IL1RAP: variants seen among roughly 807,000 people sequenced by gnomAD.
IL1RAP encodes the protein interleukin-1 receptor accessory protein.
A neutral mutation model predicts 60.7 loss-of-function variants in IL1RAP; 35 were observed. The ratio of observed to expected loss-of-function variants is 0.58; its 90% CI spans 0.44 to 0.76. IL1RAP has a LOEUF of 0.76. IL1RAP is among the 30% of genes least tolerant of loss of function. IL1RAP has a pLI of 0.00. For missense variants in IL1RAP, 572 were observed against 693.9 expected, an observed-to-expected ratio of 0.82 and a Z score of 1.97; for synonymous variants, 268 against 250.9, an observed-to-expected ratio of 1.07 and a Z score of -0.64.
intron 3 of IL1RAP, among the ~76,000 whole-genome samples, chr3:190,597,461 C>T (rs1049644803): frequency 6.6e-6 from 1 of 152,184 alleles, no homozygotes; most frequent in African/African-American, 2.4e-5. Context: ...CTGCTCTGAG[C>T]AGTGGCAGGA....
intron 5 of IL1RAP, among the ~76,000 whole-genome samples, chr3:190,612,351 G>T (rs942803046): frequency 6.6e-6 from 1 of 151,946 alleles, no homozygotes; most frequent in Non-Finnish European, 1.5e-5. Context: ...TGCAATCTAG[G>T]TTTTAATCTC....
intron 2 of IL1RAP, among the ~76,000 whole-genome samples, chr3:190,558,730 C>A (rs1725641942): frequency 6.6e-6 from 1 of 152,070 alleles, no homozygotes; most frequent in South Asian, 2.1e-4. Flanking sequence ...ATCAGTTTCT[C>A]TATAGCTAGA....
chr3:190,532,098 C>G (rs1327204038), intron 1 of IL1RAP, among the ~76,000 whole-genome samples: 5 of 152,064 alleles, frequency 3.3e-5, no homozygotes, highest in Admixed American at 2.0e-4. Flanking sequence ...TGCTGCTTCT[C>G]TTGTCTTGGT....
downstream of IL1RAP, among the ~76,000 whole-genome samples, chr3:190,653,066 T>C (rs76932424): frequency 0.01 from 1,580 of 152,242 alleles, 30 homozygotes; most frequent in African/African-American, 0.037. Flanking sequence ...TAGTAATGAG[T>C]TAGGAGATGG....
chr3:190,525,643 A>G (rs1722446479), intron 1 of IL1RAP, among the ~76,000 whole-genome samples: 1 of 152,196 alleles, frequency 6.6e-6, no homozygotes, highest in South Asian at 2.1e-4. Context: ...ACAGATGAGA[A>G]AGACAATTTG....
intron 9 of IL1RAP, among the ~76,000 whole-genome samples, chr3:190,632,041 G>A (rs1205183575): frequency 1.3e-5 from 2 of 152,112 alleles, no homozygotes; most frequent in African/African-American, 4.8e-5. Flanking sequence ...GACCTCAGGT[G>A]ATCCTCCTGC....
intron 3 of IL1RAP, among the ~76,000 whole-genome samples, chr3:190,592,552 A>G (rs1729033245): frequency 1.3e-5 from 2 of 152,218 alleles, no homozygotes; most frequent in Admixed American, 6.5e-5. Flanking sequence ...AAAATTATCT[A>G]GAAAACCCAG....
In IL1RAP at chr3:190,627,214, A is replaced by G. The variant is rs1399273722; in HGVS notation, c.776-109A>G. The G allele has an allele frequency of 4.7e-6, 4 of 842,934 alleles. No homozygotes were observed. In the East Asian group the frequency reaches 1.1e-4, roughly 22 times the overall value. 52.2% of individuals were successfully genotyped at this position (842,934 alleles called of 1,614,324 possible). On this transcript the variant is annotated intron_variant, in intron 7 of 11. Coordinates refer to ENST00000447382, the MANE Select transcript of IL1RAP (RefSeq NM_002182.4). ...GCCAGAGAGTAGAACCAATATAGCC[A>G]TGTGAAGGATAAACACTAATGGGCT...
chr3:190,656,626 G>T (rs1175344001), exon 12 of IL1RAP: 17 of 1,406,410 alleles, frequency 1.2e-5, no homozygotes, highest in Non-Finnish European at 1.5e-5. Flanking sequence ...TGTGGTGGGT[G>T]GTGGCTACTA....
intron 3 of IL1RAP, among the ~76,000 whole-genome samples, chr3:190,570,949 A>G (rs906643957): frequency 3.9e-5 from 6 of 152,094 alleles, no homozygotes; most frequent in African/African-American, 1.4e-4. Context: ...TCCCTTATGT[A>G]AGAAAATGTT....
At chr3:190,588,112 T>G (rs1728620895) in intron 3 of IL1RAP, among the ~76,000 whole-genome samples, 1 of 152,178 alleles carries the variant, frequency 6.6e-6, no homozygotes, top group Admixed American at 6.6e-5. Context: ...CTTACATCTT[T>G]TTTTCTTTCT....
intron 11 of IL1RAP, among the ~76,000 whole-genome samples, chr3:190,647,789 C>T (rs899311906): frequency 2.0e-5 from 3 of 152,100 alleles, no homozygotes; most frequent in Non-Finnish European, 4.4e-5. Context: ...GAGAGGTATC[C>T]AACAATAGAG....
intron 2 of IL1RAP, among the ~76,000 whole-genome samples, chr3:190,562,737 T>C (rs1401729519): frequency 7.2e-6 from 1 of 139,496 alleles, no homozygotes; most frequent in African/African-American, 2.7e-5. Context: ...CACACACACA[T>C]CTGCTACATA....
At chr3:190,597,200 T>G (rs1002019733) in intron 3 of IL1RAP, among the ~76,000 whole-genome samples, 3 of 152,180 alleles carry the variant, frequency 2.0e-5, no homozygotes, top group Non-Finnish European at 4.4e-5. Flanking sequence ...AGCCGATGGA[T>G]TGGGCCAGAA....
chr3:190,574,863 G>A (rs1410498048), intron 3 of IL1RAP, among the ~76,000 whole-genome samples: 2 of 152,190 alleles, frequency 1.3e-5, no homozygotes. Flanking sequence ...GTACACAAAA[G>A]TATGGGCTGG....
intron 3 of IL1RAP, among the ~76,000 whole-genome samples, chr3:190,565,830 T>G (rs1051623315): frequency 6.6e-6 from 1 of 152,198 alleles, no homozygotes; most frequent in African/African-American, 2.4e-5. Context: ...TTGAATGCTA[T>G]CTGCTCACAG....
intron 3 of IL1RAP, among the ~76,000 whole-genome samples, chr3:190,566,940 C>T (rs142900667): frequency 2.1e-4 from 32 of 152,304 alleles, no homozygotes; most frequent in East Asian, 7.7e-4. Flanking sequence ...CCCATCTCAA[C>T]GGAAACACAG....
At chr3:190,522,385 A>G (rs955305650) in intron 1 of IL1RAP, among the ~76,000 whole-genome samples, 1 of 145,474 alleles carries the variant, frequency 6.9e-6, no homozygotes, top group Non-Finnish European at 1.5e-5. Flanking sequence ...CCTATTATCT[A>G]TGTATCTTTC....
At chr3:190,568,517 G>A (rs1726621579) in intron 3 of IL1RAP, among the ~76,000 whole-genome samples, 1 of 152,134 alleles carries the variant, frequency 6.6e-6, no homozygotes, top group African/African-American at 2.4e-5. Context: ...TCCAATGATT[G>A]GGAGTGAATT....
Sources: gnomAD v4.1 joint callset for allele counts (sites outside exome capture counted in the v4.1 genomes callset) on GRCh38, gnomAD v4.1.1 for gene constraint, MANE v1.5 for transcripts, NCBI Gene and HGNC (gene_info 2026-07-23, HGNC 2026-07-21) for gene names.